PRDM1: variants seen among roughly 807,000 people sequenced by gnomAD.
The protein encoded by PRDM1 is PR/SET domain 1.
Under a neutral mutation model 62.8 loss-of-function variants are expected in PRDM1, and 13 were observed. The observed-to-expected ratio is 0.21, with a 90% confidence interval of 0.13 to 0.33. The LOEUF (loss-of-function observed/expected upper bound fraction) is 0.33, where lower values mean the gene tolerates loss of function less well. Ranked by LOEUF, PRDM1 falls within the 10% of genes least tolerant of loss-of-function variation. The pLI, the probability that PRDM1 is intolerant of heterozygous loss-of-function variation, is 1.00. For synonymous variants in PRDM1, 396 were observed against 417.6 expected, an observed-to-expected ratio of 0.95 and a Z score of 0.63; for missense variants, 895 against 1,058.8, an observed-to-expected ratio of 0.85 and a Z score of 2.15.
chr6:106,044,625 A>T (rs553349180), upstream of PRDM1, among the ~76,000 whole-genome samples: 1 of 152,308 alleles, frequency 6.6e-6, no homozygotes, highest in East Asian at 1.9e-4. Context: ...TGGATCAAAG[A>T]CCTAGCACTA....
intron 4 of PRDM1, chr6:106,100,523 GA>G (rs1197231862): frequency 1.3e-5 from 2 of 152,182 alleles, no homozygotes; most frequent in African/African-American, 4.8e-5. Flanking sequence ...TGCTTTACCA[GA>G]AGGCTAACTT....
At chr6:106,017,054 T>C (rs1281508933) in intron 1 of PRDM1, among the ~76,000 whole-genome samples, 1 of 152,112 alleles carries the variant, frequency 6.6e-6, no homozygotes, top group Non-Finnish European at 1.5e-5. Flanking sequence ...GTTGAAAAAA[T>C]TAAGAAAAAT....
At chr6:106,031,877 C>T (rs62420711) in intron 1 of PRDM1, among the ~76,000 whole-genome samples, 6,459 of 152,258 alleles carry the variant, frequency 0.042, 153 homozygotes, top group Non-Finnish European at 0.058. Context: ...AGAGTCTGAT[C>T]TTCTGATTCC....
chr6:106,029,118 A>C (rs1198214626), intron 1 of PRDM1, among the ~76,000 whole-genome samples: 1 of 152,036 alleles, frequency 6.6e-6, no homozygotes, highest in Admixed American at 6.5e-5. Context: ...ACGGGGTTTC[A>C]TCATGTTGAC....
At chr6:106,060,192 A>C (rs1200258925) in intron 1 of PRDM1, among the ~76,000 whole-genome samples, 2 of 152,228 alleles carry the variant, frequency 1.3e-5, no homozygotes, top group African/African-American at 4.8e-5. Flanking sequence ...AAGGAAAATG[A>C]GGATCCAGCA....
At chr6:106,050,229 TTG>T (rs933823020) in intron 1 of PRDM1, among the ~76,000 whole-genome samples, 8 of 152,198 alleles carry the variant, frequency 5.3e-5, no homozygotes, top group Admixed American at 5.2e-4. Context: ...TCTACTCTGT[TTG>T]TTAGTGTTAC....
chr6:106,007,174 G>A (rs1323590176), intron 1 of PRDM1, among the ~76,000 whole-genome samples: 2 of 151,924 alleles, frequency 1.3e-5, no homozygotes, highest in African/African-American at 2.4e-5. Context: ...GCTCACACCT[G>A]TAATCCCAGC....
At chr6:106,059,842 G>A (rs1340928897) in intron 1 of PRDM1, among the ~76,000 whole-genome samples, 1 of 152,130 alleles carries the variant, frequency 6.6e-6, no homozygotes, top group Non-Finnish European at 1.5e-5. Flanking sequence ...TAGGTGGTGG[G>A]GACGGAGATA....
intron 1 of PRDM1, among the ~76,000 whole-genome samples, chr6:106,001,514 ATTG>A (rs749160094): frequency 3.3e-5 from 5 of 152,140 alleles, no homozygotes; most frequent in Non-Finnish European, 7.4e-5. Context: ...CCTAAAATGT[ATTG>A]TTGTTGTTAT....
intron 2 of PRDM1, among the ~76,000 whole-genome samples, chr6:106,088,790 T>C (rs1773884463): frequency 6.6e-6 from 1 of 152,242 alleles, no homozygotes; most frequent in Non-Finnish European, 1.5e-5. Context: ...TGTTGTACAA[T>C]ATCTCTTAAG....
At chr6:106,061,317 G>A (rs1464833006) in intron 1 of PRDM1, among the ~76,000 whole-genome samples, 31 of 94,922 alleles carry the variant, frequency 3.3e-4, no homozygotes, top group African/African-American at 1.3e-3. Context: ...CAGCAGTTCA[G>A]CAGTTAGATG....
chr6:106,098,950 G>A (rs1774189761), intron 3 of PRDM1: 2 of 1,533,868 alleles, frequency 1.3e-6, no homozygotes, highest in Admixed American at 2.0e-5. Flanking sequence ...CAGTAGCATC[G>A]CCCATTTGCC....
rs1377262212 is a variant in PRDM1 at position 106,099,609 on chromosome 6, T to C, written c.664+57T>C. 1.9e-6 allele frequency: 3 copies of C among 1,589,348 alleles called. No homozygotes were observed. In the Admixed American group the frequency reaches 5.1e-5, roughly 27 times the overall value. On this transcript the variant is annotated intron_variant, in intron 4 of 6. Transcript: ENST00000369096. ...ATGCCAGTAATGTCGGTTCTGCCCC[T>C]TTGAACTAATAACATGTTGTTTAAT...
chr6:106,029,883 C>T (rs1326357210), intron 1 of PRDM1, among the ~76,000 whole-genome samples: 1 of 151,862 alleles, frequency 6.6e-6, no homozygotes, highest in Non-Finnish European at 1.5e-5. Flanking sequence ...CCTCCCAAAG[C>T]GTTAGGATTA....
At chr6:105,996,399 G>A (rs1459176415) in intron 1 of PRDM1, among the ~76,000 whole-genome samples, 3 of 152,028 alleles carry the variant, frequency 2.0e-5, no homozygotes, top group Non-Finnish European at 4.4e-5. Flanking sequence ...TATTGAGTGG[G>A]ATGCTCTAAT....
chr6:106,101,092 G>C (rs187395269), intron 4 of PRDM1, among the ~76,000 whole-genome samples: 1 of 152,088 alleles, frequency 6.6e-6, no homozygotes, highest in African/African-American at 2.4e-5. Context: ...TGTGGAACTC[G>C]TATTCCAGCT....
intron 4 of PRDM1, among the ~76,000 whole-genome samples, chr6:106,101,069 A>T (rs1582473542): frequency 6.6e-6 from 1 of 152,266 alleles, no homozygotes; most frequent in South Asian, 2.1e-4. Flanking sequence ...ATGCACAGGC[A>T]CAGTGGCATT....
chr6:106,095,553 T>A (rs1460661801), intron 2 of PRDM1, 62 bp from the exon 3 acceptor site: 11 of 1,571,478 alleles, frequency 7.0e-6, no homozygotes, highest in African/African-American at 1.4e-5. Flanking sequence ...TTTATTTAAT[T>A]GAAAAGATTG....
chr6:106,080,271 C>T (rs1031869872), intron 1 of PRDM1, among the ~76,000 whole-genome samples: 5 of 152,170 alleles, frequency 3.3e-5, no homozygotes, highest in Admixed American at 6.5e-5. Flanking sequence ...AAGTGTGCCT[C>T]GTGCCACTTG....
Sources: allele counts gnomAD v4.1 joint callset (sites outside exome capture counted in the v4.1 genomes callset), GRCh38; gene constraint gnomAD v4.1.1; transcripts MANE v1.5; gene names NCBI Gene and HGNC (gene_info 2026-07-23, HGNC 2026-07-21).